Variants in CLSTN2 observed in about 807,000 individuals in gnomAD.
CLSTN2 encodes calsyntenin 2.
CLSTN2 carries 48 observed loss-of-function variants against 101.2 expected under a neutral mutation model. That is an observed-to-expected ratio of 0.47 (90% CI 0.38 to 0.60). The LOEUF (loss-of-function observed/expected upper bound fraction) is 0.60. Among genes scored for constraint, CLSTN2 ranks in the 20% least tolerant of loss-of-function variants. The probability of loss-of-function intolerance (pLI) is 0.00; values close to 1 mark genes in which losing one functional copy is unlikely to be tolerated. For missense variants in CLSTN2, 1,160 were observed against 1,238.2 expected, an observed-to-expected ratio of 0.94 and a Z score of 0.95; for synonymous variants, 481 against 463.6, an observed-to-expected ratio of 1.04 and a Z score of -0.48.
intron 9 of CLSTN2, among the ~76,000 whole-genome samples, chr3:140,538,964 T>C (rs6763866): frequency 0.031 from 4,708 of 152,276 alleles, 247 homozygotes; most frequent in African/African-American, 0.11. Flanking sequence ...TTGACTTTGA[T>C]TCAGGTTCCT....
At chr3:140,059,890 G>A (rs1271228473) in intron 1 of CLSTN2, among the ~76,000 whole-genome samples, 1 of 152,124 alleles carries the variant, frequency 6.6e-6, no homozygotes, top group Non-Finnish European at 1.5e-5. Flanking sequence ...CCTCATTCAA[G>A]ACATTAATGG....
chr3:140,440,462 G>C, intron 5 of CLSTN2, among the ~76,000 whole-genome samples: 1 of 152,164 alleles, frequency 6.6e-6, no homozygotes, highest in East Asian at 1.9e-4. Flanking sequence ...CTTTTTAAAT[G>C]GTACCTGTGT....
At chr3:140,258,718 T>A (rs1399074942) in intron 2 of CLSTN2, among the ~76,000 whole-genome samples, 3 of 152,212 alleles carry the variant, frequency 2.0e-5, no homozygotes, top group Non-Finnish European at 4.4e-5. Context: ...TGAACCGTTT[T>A]TTATGGGGCA....
intron 5 of CLSTN2, among the ~76,000 whole-genome samples, chr3:140,437,238 C>T (rs9757210): frequency 0.16 from 23,942 of 151,898 alleles, 2,422 homozygotes; most frequent in South Asian, 0.32. Context: ...TTAGTAGAGA[C>T]GGGGTTTCAT....
At chr3:140,218,096 T>C (rs572775844) in intron 2 of CLSTN2, among the ~76,000 whole-genome samples, 1 of 152,286 alleles carries the variant, frequency 6.6e-6, no homozygotes, top group South Asian at 2.1e-4. Context: ...AAAACAAAAC[T>C]GAATGTTGAT....
At chr3:140,037,996 G>T (rs2007691254) in intron 1 of CLSTN2, among the ~76,000 whole-genome samples, 1 of 152,154 alleles carries the variant, frequency 6.6e-6, no homozygotes, top group African/African-American at 2.4e-5. Flanking sequence ...GAATAGTGCT[G>T]CAATGAACAT....
chr3:140,307,153 C>T (rs1449916255), intron 2 of CLSTN2, among the ~76,000 whole-genome samples: 1 of 152,150 alleles, frequency 6.6e-6, no homozygotes, highest in Non-Finnish European at 1.5e-5. Flanking sequence ...TTGCCTTCCA[C>T]CATGATTATG....
chr3:140,474,124 C>G (rs529634885), intron 8 of CLSTN2, among the ~76,000 whole-genome samples: 1 of 152,230 alleles, frequency 6.6e-6, no homozygotes, highest in South Asian at 2.1e-4. Context: ...GTTACAGCAG[C>G]AATAGGAAAC....
intron 5 of CLSTN2, among the ~76,000 whole-genome samples, chr3:140,447,899 T>C (rs556581945): frequency 5.1e-4 from 77 of 152,334 alleles, no homozygotes; most frequent in Non-Finnish European, 9.3e-4. Flanking sequence ...GACGTTTGCC[T>C]GTGAAATGAA....
chr3:140,129,510 G>A (rs894881535), intron 1 of CLSTN2, among the ~76,000 whole-genome samples: 1 of 152,166 alleles, frequency 6.6e-6, no homozygotes, highest in Admixed American at 6.5e-5. Flanking sequence ...TAGGGAAGTG[G>A]TGTAGAATCA....
Position 140,458,511 on chromosome 3 carries a change from G to A in CLSTN2, c.974-1010G>A, listed in dbSNP as rs114435896. 9.5e-3 allele frequency among the ~76,000 whole-genome samples: 1,440 copies of A among 152,190 alleles called. 14 individuals carry two copies. Among genetic ancestry groups the A allele is most frequent in the Non-Finnish European group, 0.016 (1,116 of 68,022 alleles). ...ATTTGAGCCTCTGTGGAGAGTCAGC[G>A]GAGGCCCCAGACCTACCCAGCAGGA... On this transcript the variant is annotated intron_variant, in intron 6 of 16. Transcript: ENST00000458420.
chr3:140,113,429 A>G (rs1200413709), intron 1 of CLSTN2, among the ~76,000 whole-genome samples: 4 of 152,208 alleles, frequency 2.6e-5, no homozygotes, highest in Admixed American at 6.5e-5. Context: ...ACTGCTTCCA[A>G]GTAATCTCAA....
chr3:140,110,040 A>G (rs1246424100), intron 1 of CLSTN2, among the ~76,000 whole-genome samples: 1 of 152,190 alleles, frequency 6.6e-6, no homozygotes, highest in Non-Finnish European at 1.5e-5. Flanking sequence ...TGCCAATTTT[A>G]TGCCAGGTTT....
At position 140,162,869 on chromosome 3, in the gene CLSTN2, C is replaced by T. The variant is rs560455460; in HGVS notation, c.110-13082C>T. 2.0e-5 allele frequency among the ~76,000 whole-genome samples: 3 copies of T among 152,220 alleles called. No homozygotes were observed. In the East Asian group the frequency reaches 5.8e-4, roughly 29 times the overall value. On this transcript the variant is annotated intron_variant, in intron 1 of 16. Transcript: ENST00000458420. ...AGAATCTAAGGCGTGAAATGGAATT[C>T]GCAGTAAAAATGTATCATGCATTTG...
chr3:140,170,069 G>A (rs2010188973), intron 1 of CLSTN2, among the ~76,000 whole-genome samples: 1 of 152,076 alleles, frequency 6.6e-6, no homozygotes, highest in Non-Finnish European at 1.5e-5. Flanking sequence ...TTAAATTCAG[G>A]AAACAAAAAT....
Position 140,556,508 on chromosome 3 carries a change from T to C in CLSTN2, c.1675-5T>C. On this transcript the variant is annotated splice_polypyrimidine_tract_variant and splice_region_variant and intron_variant, in intron 10 of 16. Coordinates refer to ENST00000458420, the MANE Select transcript of CLSTN2 (RefSeq NM_022131.3). ...TCTTCCATGATGCTCACTTTTGTCT[T>C]CCAGTATCACTTCAACCCCTCGCAG... 1 of 1,613,998 alleles carries C rather than the reference T, an allele frequency of 6.2e-7. No individual in the cohort carries two copies. Among genetic ancestry groups the C allele is most frequent in the Non-Finnish European group, 8.5e-7 (1 of 1,179,898 alleles).
At chr3:140,248,922 AG>A (rs2086539401) in intron 2 of CLSTN2, among the ~76,000 whole-genome samples, 1 of 152,212 alleles carries the variant, frequency 6.6e-6, no homozygotes, top group African/African-American at 2.4e-5. Context: ...TGATTTTAAA[AG>A]GAGAGAAGTG....
chr3:140,019,381 G>T (rs1268426789), intron 1 of CLSTN2, among the ~76,000 whole-genome samples: 1 of 152,186 alleles, frequency 6.6e-6, no homozygotes, highest in Non-Finnish European at 1.5e-5. Flanking sequence ...TGGGTAAGAA[G>T]GACTCCTGCC....
rs940255572 is a variant in CLSTN2, at chr3:139,993,386, C to T, written c.109+57903C>T. ...CTCAGCTTGTACTGTCGACCCCTGT[C>T]CTGGGGATACTGGGTGGCCCTTCGT... On this transcript the variant is annotated intron_variant, in intron 1 of 16. Coordinates refer to ENST00000458420, the MANE Select transcript of CLSTN2 (RefSeq NM_022131.3). Among the ~76,000 whole-genome samples the T allele has an allele frequency of 2.6e-5, 4 of 152,154 alleles. No individual in the cohort carries two copies. In the East Asian group the frequency reaches 7.7e-4, roughly 29 times the overall value.
Sources: gnomAD v4.1 joint callset for allele counts (sites outside exome capture counted in the v4.1 genomes callset) on GRCh38, gnomAD v4.1.1 for gene constraint, MANE v1.5 for transcripts, NCBI Gene and HGNC (gene_info 2026-07-23, HGNC 2026-07-21) for gene names.